Variants in IGF2BP3 observed in about 807,000 individuals in gnomAD.
The protein encoded by IGF2BP3 is insulin-like growth factor 2 mRNA-binding protein 3.
In IGF2BP3, 9 loss-of-function variants were observed where a neutral mutation model predicts 73.8. That is an observed-to-expected ratio of 0.12 (90% CI 0.07 to 0.21). IGF2BP3 has a LOEUF of 0.21. Ranked by LOEUF, IGF2BP3 falls within the 10% of genes least tolerant of loss-of-function variation. The pLI, the probability that IGF2BP3 is intolerant of heterozygous loss-of-function variation, is 1.00. For missense variants in IGF2BP3, 542 were observed against 714.0 expected, an observed-to-expected ratio of 0.76 and a Z score of 2.75; for synonymous variants, 258 against 256.7, an observed-to-expected ratio of 1.01 and a Z score of -0.05.
chr7:23,364,758 T>C (rs771464383), intron 3 of IGF2BP3, among the ~76,000 whole-genome samples: 26 of 152,228 alleles, frequency 1.7e-4, no homozygotes, highest in Non-Finnish European at 2.8e-4. Context: ...ATTTAGCTTT[T>C]AAATGAAAGC....
At chr7:23,342,646 G>T (rs911303296) in intron 9 of IGF2BP3, among the ~76,000 whole-genome samples, 2 of 152,162 alleles carry the variant, frequency 1.3e-5, no homozygotes, top group African/African-American at 4.8e-5. Context: ...AGGCCTCAAA[G>T]TTGAGCCCTC....
chr7:23,423,725 C>A (rs1787417006), intron 2 of IGF2BP3, among the ~76,000 whole-genome samples: 1 of 151,728 alleles, frequency 6.6e-6, no homozygotes, highest in Non-Finnish European at 1.5e-5. Context: ...TTCCTTATAG[C>A]TTATAAAGGG....
chr7:23,322,092 G>C (rs1172966446), intron 10 of IGF2BP3, among the ~76,000 whole-genome samples: 1 of 152,178 alleles, frequency 6.6e-6, no homozygotes, highest in African/African-American at 2.4e-5. Flanking sequence ...TTGATGAGCT[G>C]AGAGAAGGCT....
chr7:23,447,248 G>A (rs368635311), intron 2 of IGF2BP3, among the ~76,000 whole-genome samples: 7 of 151,938 alleles, frequency 4.6e-5, no homozygotes, highest in African/African-American at 1.7e-4. Context: ...GGAGACATCA[G>A]ATAAACCCAC....
chr7:23,461,223 T>G (rs971077137), intron 2 of IGF2BP3, among the ~76,000 whole-genome samples: 5 of 152,174 alleles, frequency 3.3e-5, no homozygotes, highest in Admixed American at 6.5e-5. Flanking sequence ...TGCTTTCTTC[T>G]ACTTTACTGT....
intron 12 of IGF2BP3, among the ~76,000 whole-genome samples, chr7:23,314,018 C>T (rs941264539): frequency 1.3e-5 from 2 of 152,102 alleles, no homozygotes; most frequent in Non-Finnish European, 2.9e-5. Flanking sequence ...ACATCAGTTG[C>T]ATTTTTCTTT....
chr7:23,413,394 T>G (rs1322559262), intron 3 of IGF2BP3: 1 of 151,830 alleles, frequency 6.6e-6, no homozygotes, highest in Non-Finnish European at 1.5e-5. Context: ...GGCAGGAGAA[T>G]TGCTTGAACC....
intron 2 of IGF2BP3, among the ~76,000 whole-genome samples, chr7:23,441,104 G>A (rs1291864120): frequency 3.3e-5 from 5 of 152,024 alleles, no homozygotes; most frequent in African/African-American, 9.7e-5. Flanking sequence ...ACCATTTCAA[G>A]AGCCTATATA....
intron 12 of IGF2BP3, among the ~76,000 whole-genome samples, chr7:23,316,871 C>T (rs1784006516): frequency 6.6e-6 from 1 of 152,162 alleles, no homozygotes; most frequent in Non-Finnish European, 1.5e-5. Flanking sequence ...TGAATACCCC[C>T]AGCACGCTAA....
intron 3 of IGF2BP3, among the ~76,000 whole-genome samples, chr7:23,416,987 C>T (rs951478828): frequency 3.3e-5 from 5 of 152,078 alleles, no homozygotes; most frequent in Non-Finnish European, 5.9e-5. Flanking sequence ...ACCTGGGAGG[C>T]GGAGGTTGCA....
At chr7:23,400,771 C>T (rs559357020) in intron 3 of IGF2BP3, among the ~76,000 whole-genome samples, 1 of 152,268 alleles carries the variant, frequency 6.6e-6, no homozygotes, top group East Asian at 1.9e-4. Context: ...AATGAGTGAG[C>T]TGGAAGAGCA....
At chr7:23,385,736 A>ATT (rs61099833) in intron 3 of IGF2BP3, among the ~76,000 whole-genome samples, 1 of 147,568 alleles carries the variant, frequency 6.8e-6, no homozygotes, top group Admixed American at 6.8e-5. Context: ...TTTTTTTATT[A>ATT]TTTTTTTTTT....
intron 2 of IGF2BP3, among the ~76,000 whole-genome samples, chr7:23,447,652 A>G (rs1774646561): frequency 6.6e-6 from 1 of 152,034 alleles, no homozygotes; most frequent in African/African-American, 2.4e-5. Context: ...CAAAAAAATG[A>G]AGACCAAGGA....
rs574844250 is a variant in IGF2BP3, at chr7:23,440,763, T to C, written c.237-21939A>G. 7.2e-5 allele frequency among the ~76,000 whole-genome samples: 11 copies of C among 152,328 alleles called. 1 individual carries two copies. In the South Asian group the frequency reaches 8.3e-4, roughly 11 times the overall value. ...ATTTTTATTTTTACGCAGGCTCTACTAGGGCTATAGAAGGACCTAAGTCAA... is the reference window on the plus strand; with the variant it reads ...ATTTTTATTTTTACGCAGGCTCTACCAGGGCTATAGAAGGACCTAAGTCAA... On this transcript the variant is annotated intron_variant, in intron 2 of 14. Coordinates refer to ENST00000258729, the MANE Select transcript of IGF2BP3 (RefSeq NM_006547.3).
intron 3 of IGF2BP3, among the ~76,000 whole-genome samples, chr7:23,380,240 T>C (rs1785866649): frequency 7.0e-6 from 1 of 142,088 alleles, no homozygotes; most frequent in African/African-American, 2.7e-5. Context: ...CTCAGCTCAC[T>C]GCAACCTCCG....
rs1196998875 is a variant in IGF2BP3 at position 23,312,818 on chromosome 7, C to T, written c.1558G>A (p.Glu520Lys). 1.2e-5 allele frequency: 19 copies of T among 1,610,122 alleles called. No individual in the cohort carries two copies. The highest frequency in any genetic ancestry group is 5.6e-5 in the South Asian group (5 of 90,032). Residue 520 changes from glutamate to lysine, a missense_variant, in exon 14 of 15, where the codon GAA becomes AAA. Glu to Lys is a moderately conservative substitution (Grantham distance 56, BLOSUM62 1). Around this residue, in one of 2 missense-constraint regions of IGF2BP3, gnomAD observed 303 missense variants for 472.1 expected, o/e 0.64. Transcript: ENST00000258729. Reference protein sequence around the residue: ...VNELQNLSSAEVVVPRDQTPD... With the variant: ...VNELQNLSSAKVVVPRDQTPD... ...GTCTGGTCACGAGGGACAACAACTT[C>T]TGCACTTGACAAATTCTGAAGTTCA...
At chr7:23,441,466 G>C (rs891467926) in intron 2 of IGF2BP3, among the ~76,000 whole-genome samples, 5 of 151,260 alleles carry the variant, frequency 3.3e-5, no homozygotes, top group Admixed American at 3.3e-4. Flanking sequence ...CCAGCTACTT[G>C]GGAGGCTGAG....
intron 10 of IGF2BP3, 152 bp from the exon 11 acceptor site, chr7:23,319,406 T>C: frequency 1.6e-6 from 1 of 618,092 alleles, no homozygotes; most frequent in South Asian, 2.1e-5. Context: ...AGACCTTACC[T>C]AATAGGTCAA....
Position 23,311,011 on chromosome 7 carries a change from A to G in IGF2BP3, c.*1351T>C, listed in dbSNP as rs1783812549. 1 of 152,174 alleles carries G rather than the reference A, an allele frequency of 6.6e-6. No homozygotes were observed. The highest frequency in any genetic ancestry group is 1.5e-5 in the Non-Finnish European group (1 of 68,038). The allele number at this position is 152,174 out of a possible 1,614,324, so 9.4% of individuals were successfully genotyped here. A position where few individuals can be genotyped will look rare whatever the true frequency, so the allele number is the denominator to read the frequency against. On this transcript the variant is annotated 3_prime_UTR_variant, in exon 15 of 15. Transcript: ENST00000258729. ...TTCACAGTCATTCAAATTATATCCC[A>G]AAAACTTTTCTTGTATTCTCTATCT...
Sources: gnomAD v4.1 joint callset for allele counts (sites outside exome capture counted in the v4.1 genomes callset) on GRCh38, gnomAD v4.1.1 for gene constraint, gnomAD v4.1.1 regional missense constraint, MANE v1.5 for transcripts, NCBI Gene and HGNC (gene_info 2026-07-23, HGNC 2026-07-21) for gene names.